Variants in NEK7 observed in about 807,000 individuals in gnomAD.
NEK7 encodes the protein NIMA related kinase 7.
A neutral mutation model predicts 44.6 loss-of-function variants in NEK7; 18 were observed. The ratio of observed to expected loss-of-function variants is 0.40; its 90% CI spans 0.28 to 0.60. The LOEUF (loss-of-function observed/expected upper bound fraction) is 0.60, where lower values mean the gene tolerates loss of function less well. Ranked by LOEUF, NEK7 falls within the 20% of genes least tolerant of loss-of-function variation. NEK7 has a pLI of 0.38. For synonymous variants in NEK7, 130 were observed against 121.1 expected, an observed-to-expected ratio of 1.07 and a Z score of -0.48; for missense variants, 256 against 366.5, an observed-to-expected ratio of 0.70 and a Z score of 2.46.
At chr1:198,243,073 C>T (rs1666735382) in intron 2 of NEK7, among the ~76,000 whole-genome samples, 1 of 152,132 alleles carries the variant, frequency 6.6e-6, no homozygotes, top group Non-Finnish European at 1.5e-5. Flanking sequence ...ACATCGAGTT[C>T]ATTTCTTCCT....
chr1:198,208,878 C>G (rs1665677079), intron 1 of NEK7, among the ~76,000 whole-genome samples: 1 of 152,056 alleles, frequency 6.6e-6, no homozygotes, highest in Non-Finnish European at 1.5e-5. Flanking sequence ...CTTAGCATCT[C>G]AACTGCATTT....
intron 1 of NEK7, among the ~76,000 whole-genome samples, chr1:198,165,903 C>G (rs1277053033): frequency 6.6e-6 from 1 of 152,232 alleles, no homozygotes; most frequent in African/African-American, 2.4e-5. Context: ...GCTAGATCTT[C>G]TGGATAACTT....
intron 3 of NEK7, chr1:198,256,213 C>A: frequency 2.4e-6 from 3 of 1,229,694 alleles, no homozygotes; most frequent in South Asian, 4.5e-5. Flanking sequence ...GAGATACCAT[C>A]CAGAATCCTC....
intron 3 of NEK7, among the ~76,000 whole-genome samples, chr1:198,255,304 G>C (rs1425864982): frequency 6.6e-6 from 1 of 152,140 alleles, no homozygotes; most frequent in African/African-American, 2.4e-5. Context: ...GAATAGAATG[G>C]AGAGAACATA....
chr1:198,297,631 A>G (rs150317258), intron 9 of NEK7, among the ~76,000 whole-genome samples: 2 of 152,306 alleles, frequency 1.3e-5, no homozygotes, highest in African/African-American at 4.8e-5. Flanking sequence ...AGACCAGCAC[A>G]CAGTTGTAAT....
chr1:198,255,246 T>G (rs1653216598), intron 3 of NEK7, among the ~76,000 whole-genome samples: 1 of 152,088 alleles, frequency 6.6e-6, no homozygotes, highest in South Asian at 2.1e-4. Context: ...AGAGTAACAA[T>G]CTTCAAAATC....
At chr1:198,257,384 A>G (rs1653302935) in intron 3 of NEK7, among the ~76,000 whole-genome samples, 1 of 152,102 alleles carries the variant, frequency 6.6e-6, no homozygotes, top group Non-Finnish European at 1.5e-5. Flanking sequence ...TTATCATCTT[A>G]AGTTTAGATT....
At chr1:198,279,945 A>G (rs941580383) in intron 7 of NEK7, among the ~76,000 whole-genome samples, 4 of 152,060 alleles carry the variant, frequency 2.6e-5, no homozygotes, top group African/African-American at 9.7e-5. Flanking sequence ...TTGCTGAATT[A>G]CAAAATATTG....
At chr1:198,310,773 G>A (rs898149610) in intron 9 of NEK7, among the ~76,000 whole-genome samples, 1 of 151,940 alleles carries the variant, frequency 6.6e-6, no homozygotes, top group Non-Finnish European at 1.5e-5. Flanking sequence ...ATTTCTGAGG[G>A]CTCTGTTCTG....
At chr1:198,286,326 C>T (rs1004933195) in intron 7 of NEK7, among the ~76,000 whole-genome samples, 2 of 151,960 alleles carry the variant, frequency 1.3e-5, no homozygotes, top group Non-Finnish European at 2.9e-5. Context: ...CCATATTATT[C>T]TTCTTTTGGC....
At chr1:198,268,937 C>A (rs1653748207) in intron 5 of NEK7, among the ~76,000 whole-genome samples, 1 of 152,090 alleles carries the variant, frequency 6.6e-6, no homozygotes, top group African/African-American at 2.4e-5. Context: ...TTTATTTCTG[C>A]TGGTACTTCA....
intron 3 of NEK7, among the ~76,000 whole-genome samples, chr1:198,254,052 C>A (rs1368466999): frequency 6.6e-6 from 1 of 151,926 alleles, no homozygotes. Flanking sequence ...TCTGCAGATA[C>A]CTGTGAAATC....
chr1:198,159,179 C>G (rs1354662583), intron 1 of NEK7, among the ~76,000 whole-genome samples: 1 of 152,132 alleles, frequency 6.6e-6, no homozygotes, highest in Non-Finnish European at 1.5e-5. Flanking sequence ...GCCAGGACCT[C>G]GCGTTCGGGA....
Position 198,253,135 on chromosome 1 carries a change from A to G in NEK7, c.153A>G (p.Ala51=). The part of the protein sequence containing the change: ...GRGQFSEVYR[A]ACLLDGVPVA... ...GACAATTTAGTGAAGTTTATAGAGCAGCCTGTCTCTTGGATGGAGTACCAG... is the reference window on the plus strand; with the variant it reads ...GACAATTTAGTGAAGTTTATAGAGCGGCCTGTCTCTTGGATGGAGTACCAG... Residue 51 remains alanine, a synonymous_variant, in exon 3 of 10, where the codon GCA becomes GCG. Transcript: ENST00000367385. 1 of 1,612,140 alleles carries G rather than the reference A, an allele frequency of 6.2e-7. No homozygotes were observed. The highest frequency in any genetic ancestry group is 1.1e-5 in the South Asian group (1 of 90,972).
chr1:198,271,718 C>A (rs1653848464), intron 5 of NEK7, among the ~76,000 whole-genome samples: 1 of 151,676 alleles, frequency 6.6e-6, no homozygotes, highest in Non-Finnish European at 1.5e-5. Context: ...CCATATCAGA[C>A]AATTATGAGA....
chr1:198,217,482 A>G (rs1665954462), intron 1 of NEK7, among the ~76,000 whole-genome samples: 1 of 152,160 alleles, frequency 6.6e-6, no homozygotes, highest in Non-Finnish European at 1.5e-5. Flanking sequence ...CCAACATCAT[A>G]TTGAATGGGA....
At chr1:198,225,177 T>C (rs1337876355) in intron 1 of NEK7, among the ~76,000 whole-genome samples, 4 of 145,610 alleles carry the variant, frequency 2.7e-5, no homozygotes, top group Non-Finnish European at 4.5e-5. Context: ...ACCCCATCTC[T>C]ACAAAAAATA....
At chr1:198,222,092 A>G (rs1177952632) in intron 1 of NEK7, among the ~76,000 whole-genome samples, 1 of 152,000 alleles carries the variant, frequency 6.6e-6, no homozygotes, top group Non-Finnish European at 1.5e-5. Context: ...TGGTTCTGTC[A>G]TTTAATTAGC....
chr1:198,285,702 A>G (rs555051039), intron 7 of NEK7, among the ~76,000 whole-genome samples: 1 of 152,216 alleles, frequency 6.6e-6, no homozygotes, highest in African/African-American at 2.4e-5. Flanking sequence ...GGACAGGGAA[A>G]TGTAATTCTC....
Sources: gnomAD v4.1 joint callset for allele counts (sites outside exome capture counted in the v4.1 genomes callset) on GRCh38, gnomAD v4.1.1 for gene constraint, MANE v1.5 for transcripts, NCBI Gene and HGNC (gene_info 2026-07-23, HGNC 2026-07-21) for gene names.